Variants in HOATZ observed in about 807,000 individuals in gnomAD.
HOATZ encodes HOATZ cilia and flagella associated protein.
In HOATZ, 26 loss-of-function variants were observed where a neutral mutation model predicts 24.9. The ratio of observed to expected loss-of-function variants is 1.04; its 90% CI spans 0.76 to 1.45. The LOEUF (loss-of-function observed/expected upper bound fraction) is 1.45. HOATZ is among the 40% of genes most tolerant of loss of function. The pLI is 0.00. For missense variants in HOATZ, 226 were observed against 201.5 expected (o/e 1.12, Z -0.74); for synonymous variants, 83 against 76.6 (o/e 1.08, Z -0.43).
intron 3 of HOATZ, among the ~76,000 whole-genome samples, chr11:111,531,846 T>G (rs774865155): frequency 1.4e-4 from 22 of 152,188 alleles, no homozygotes; most frequent in Non-Finnish European, 2.9e-4. Flanking sequence ...CGTGGGCCCC[T>G]TCTCTGTGTG....
chr11:111,533,874 T>G, intron 4 of HOATZ, 69 bp downstream of exon 4: 4 of 1,147,456 alleles, frequency 3.5e-6, no homozygotes, highest in East Asian at 5.1e-5. Context: ...TTTGCAGAGG[T>G]TTTATAGATT....
Position 111,536,884 on chromosome 11 carries a change from T to G in HOATZ, c.*57T>G. On this transcript the variant is annotated 3_prime_UTR_variant, in exon 6 of 6. Transcript: ENST00000375618. ...TTATACCTTCACTTTGGAAACAACC[T>G]TCTCTTAGATCAGGATCATTGAGAT... is the stretch of plus-strand genomic sequence containing the variant. The G allele has an allele frequency of 7.5e-7, 1 of 1,330,624 alleles. No homozygotes were observed. The highest frequency in any genetic ancestry group is 1.1e-6 in the Non-Finnish European group (1 of 922,474). 82.4% of individuals were successfully genotyped at this position (1,330,624 alleles called of 1,614,324 possible). A position where few individuals can be genotyped will look rare whatever the true frequency, so the allele number is the denominator to read the frequency against.
At chr11:111,517,801 A>G (rs1398894358) in intron 3 of HOATZ, among the ~76,000 whole-genome samples, 1 of 152,246 alleles carries the variant, frequency 6.6e-6, no homozygotes, top group Non-Finnish European at 1.5e-5. Context: ...TTTGTTAGAC[A>G]AAGAATATGC....
At chr11:111,528,293 T>C (rs969908175) in intron 3 of HOATZ, among the ~76,000 whole-genome samples, 3 of 152,180 alleles carry the variant, frequency 2.0e-5, no homozygotes, top group African/African-American at 7.2e-5. Flanking sequence ...TGAGCCCTGA[T>C]GGTGCCACTG....
chr11:111,530,856 T>C (rs926177674), intron 3 of HOATZ, among the ~76,000 whole-genome samples: 2 of 152,196 alleles, frequency 1.3e-5, no homozygotes, highest in African/African-American at 4.8e-5. Context: ...ACAATGTTTT[T>C]GTTTAGATGA....
chr11:111,536,481 T>C, intron 5 of HOATZ: 1 of 257,306 alleles, frequency 3.9e-6, no homozygotes. Flanking sequence ...AATAAAATAA[T>C]GGGTAAACCA....
chr11:111,534,575 C>A, intron 5 of HOATZ, 111 bp downstream of exon 5: 1 of 818,794 alleles, frequency 1.2e-6, no homozygotes, highest in Non-Finnish European at 2.1e-6. Context: ...GAAACCCACC[C>A]GTGTATTACA....
intron 3 of HOATZ, among the ~76,000 whole-genome samples, chr11:111,518,553 A>G (rs1456376820): frequency 1.3e-5 from 2 of 152,218 alleles, no homozygotes; most frequent in Admixed American, 6.5e-5. Context: ...ATGATTTTCC[A>G]AAGTCCCCAC....
chr11:111,533,024 C>A (rs1256613843), intron 3 of HOATZ, among the ~76,000 whole-genome samples: 1 of 152,140 alleles, frequency 6.6e-6, no homozygotes, highest in African/African-American at 2.4e-5. Context: ...ATTGATAAAT[C>A]TTCATGCCTG....
At chr11:111,534,382 C>G in intron 4 of HOATZ, 30 bp from the exon 5 acceptor site, 1 of 1,560,290 alleles carries the variant, frequency 6.4e-7, no homozygotes, top group Non-Finnish European at 8.8e-7. Context: ...AAAATTTTAC[C>G]TTTTTGATTT....
Position 111,515,557 on chromosome 11 carries a change from G to A in HOATZ, c.268+5G>A. 1.9e-6 allele frequency: 3 copies of A among 1,611,942 alleles called. No individual in the cohort carries two copies. The highest frequency in any genetic ancestry group is 1.1e-5 in the South Asian group (1 of 91,038). ...CTTTTCACCTTGCGAGTAACAGTAA[G>A]TACCAAGTTTTATGCCTTTCAACAT... On this transcript the variant is annotated splice_donor_5th_base_variant and intron_variant, in intron 2 of 5. Transcript: ENST00000375618.
chr11:111,523,652 C>T (rs1867297188), intron 3 of HOATZ, among the ~76,000 whole-genome samples: 1 of 152,206 alleles, frequency 6.6e-6, no homozygotes, highest in Non-Finnish European at 1.5e-5. Context: ...CCTCATCTAC[C>T]CACCATTACC....
intron 3 of HOATZ, among the ~76,000 whole-genome samples, chr11:111,517,959 CCA>C (rs1867224852): frequency 6.6e-6 from 1 of 152,136 alleles, no homozygotes; most frequent in African/African-American, 2.4e-5. Flanking sequence ...CCTTTCCAAT[CCA>C]GTCCTAACCT....
chr11:111,514,792 C>T lies in HOATZ; in HGVS notation c.8C>T (p.Thr3Met), dbSNP rs1325967112. The change falls in exon 1 of 6, where the codon ACG becomes ATG. Residue 3 changes from threonine to methionine, a missense_variant. Thr to Met is a moderately conservative substitution (Grantham distance 81, BLOSUM62 -1). Coordinates refer to ENST00000375618, the MANE Select transcript of HOATZ (RefSeq NM_001100388.2). ...GAAGCGTCCTCAGTTGCCATGGAAA[C>T]GGGACCCAGCGAAGAACCTAGCGGC... is the stretch of plus-strand genomic sequence containing the variant. ME[T>M]GPSEEPSGRK... 6.2e-7 allele frequency: 1 copy of T among 1,613,674 alleles called. No individual in the cohort carries two copies. The highest frequency in any genetic ancestry group is 1.3e-5 in the African/African-American group (1 of 74,988).
chr11:111,527,061 A>G (rs1356085074), intron 3 of HOATZ, among the ~76,000 whole-genome samples: 1 of 152,256 alleles, frequency 6.6e-6, no homozygotes, highest in Non-Finnish European at 1.5e-5. Context: ...ATATTAAAAT[A>G]CAAATCTCAC....
intron 4 of HOATZ, 51 bp from the exon 5 acceptor site, chr11:111,534,361 G>C (rs1867425496): frequency 7.5e-7 from 1 of 1,340,898 alleles, no homozygotes; most frequent in Non-Finnish European, 1.1e-6. Flanking sequence ...ATTCCAATCA[G>C]TGCAAGAAGT....
At chr11:111,525,093 A>T in intron 3 of HOATZ, 1 of 249,762 alleles carries the variant, frequency 4.0e-6, no homozygotes, top group Admixed American at 5.2e-5. Flanking sequence ...CTGGTCTTGA[A>T]CTCTTGAGCT....
intron 3 of HOATZ, among the ~76,000 whole-genome samples, chr11:111,530,718 A>C (rs1867385210): frequency 6.6e-6 from 1 of 152,204 alleles, no homozygotes; most frequent in Non-Finnish European, 1.5e-5. Context: ...ATTAGAAATG[A>C]AAATTTTTTG....
chr11:111,522,182 G>T (rs1265401185), intron 3 of HOATZ, among the ~76,000 whole-genome samples: 1 of 152,144 alleles, frequency 6.6e-6, no homozygotes, highest in Non-Finnish European at 1.5e-5. Flanking sequence ...ATTGGGCAAG[G>T]ATCCACATTC....
Sources: allele counts gnomAD v4.1 joint callset (sites outside exome capture counted in the v4.1 genomes callset), GRCh38; gene constraint gnomAD v4.1.1; transcripts MANE v1.5; gene names NCBI Gene and HGNC (gene_info 2026-07-23, HGNC 2026-07-21).